GALNT15: variants seen among roughly 807,000 people sequenced by gnomAD.
GALNT15 encodes the protein UDP-GalNAc transferase T15.
In GALNT15, 67 loss-of-function variants were observed where a neutral mutation model predicts 66.8. The ratio of observed to expected loss-of-function variants is 1.00; its 90% CI spans 0.82 to 1.23. The LOEUF (loss-of-function observed/expected upper bound fraction) is 1.23. Ranked by LOEUF, GALNT15 falls within the 50% of genes most tolerant of loss-of-function variation. GALNT15 has a pLI of 0.00. For missense variants in GALNT15, 827 were observed against 804.3 expected (o/e 1.03, Z -0.34); for synonymous variants, 313 against 311.5 (o/e 1.00, Z -0.05).
At position 16,191,093 on chromosome 3, in the gene GALNT15, C is replaced by G. The variant is rs935848889; in HGVS notation, c.540-4667C>G. Among the ~76,000 whole-genome samples, 1 of 152,222 alleles carries G rather than the reference C, an allele frequency of 6.6e-6. No individual in the cohort carries two copies. The highest frequency in any genetic ancestry group is 1.9e-4 in the East Asian group (1 of 5,202). On this transcript the variant is annotated intron_variant, in intron 1 of 9. Transcript: ENST00000339732. The surrounding 1 kb of genome is among the most constrained non-coding windows in gnomAD (Gnocchi z 5.2). ...AGCAGCCTGTTTAGTTTATCCCACT[C>G]ACACTCCCTGCCCATCCATTGGTTC...
At chr3:16,247,421 G>A in the GALNT15 span, among the ~76,000 whole-genome samples, 4 of 152,232 alleles carry the variant, frequency 2.6e-5, no homozygotes, top group Admixed American at 6.5e-5. Context: ...ATCCAGGAAC[G>A]TCAGATCATG....
intron 2 of GALNT15, among the ~76,000 whole-genome samples, chr3:16,198,252 A>G (rs2063660754): frequency 7.0e-6 from 1 of 142,378 alleles, no homozygotes; most frequent in Non-Finnish European, 1.6e-5. Flanking sequence ...CCTCATAATC[A>G]CAACAGGGCT....
In GALNT15 at chr3:16,224,960, A is replaced by G. The variant is rs181134322; in HGVS notation, c.1773+2202A>G. Among the ~76,000 whole-genome samples the G allele has an allele frequency of 1.3e-5, 2 of 152,178 alleles. No individual in the cohort carries two copies. The highest frequency in any genetic ancestry group is 2.9e-5 in the Non-Finnish European group (2 of 68,022). ...CCTATTAGGCCATTCTTGCATTGCT[A>G]TAAAGAAATACTAGAGACTGGGTAA... On this transcript the variant is annotated intron_variant, in intron 9 of 9. Transcript: ENST00000339732. The surrounding 1 kb of genome is among the most constrained non-coding windows in gnomAD (Gnocchi z 5.2).
chr3:16,215,839 G>C (rs547288262), intron 6 of GALNT15, among the ~76,000 whole-genome samples: 1 of 150,122 alleles, frequency 6.7e-6, no homozygotes, highest in Non-Finnish European at 1.5e-5. Flanking sequence ...GAACCCAGAA[G>C]GCGGAGGTTG....
rs191909480 is a variant in GALNT15 at position 16,194,247 on chromosome 3, C to T, written c.540-1513C>T. On this transcript the variant is annotated intron_variant, in intron 1 of 9. Transcript: ENST00000339732. ...GTGCAGTGATATATTAAAGGCCTTG[C>T]ACGGTGTCTGGCATGTTGTTGGCAC... 1.2e-4 allele frequency among the ~76,000 whole-genome samples: 19 copies of T among 152,350 alleles called. No individual in the cohort carries two copies. In the East Asian group the frequency reaches 3.5e-3, roughly 28 times the overall value.
chr3:16,196,846 C>T (rs964322063), intron 2 of GALNT15, among the ~76,000 whole-genome samples: 5 of 152,216 alleles, frequency 3.3e-5, no homozygotes, highest in East Asian at 1.9e-4. Flanking sequence ...AAGATCAGAA[C>T]GCTCTGAGGG....
chr3:16,208,077 G>A (rs552581069), intron 3 of GALNT15, among the ~76,000 whole-genome samples: 1 of 152,208 alleles, frequency 6.6e-6, no homozygotes, highest in African/African-American at 2.4e-5. Context: ...GTACTGGCAT[G>A]CTCTTTAAAG....
chr3:16,202,076 C>A (rs978422092), intron 3 of GALNT15, among the ~76,000 whole-genome samples: 4 of 152,200 alleles, frequency 2.6e-5, no homozygotes, highest in African/African-American at 7.2e-5. Flanking sequence ...AGAAAAAATT[C>A]CTGGACCAGA....
chr3:16,205,531 A>C (rs2063747654), intron 3 of GALNT15, among the ~76,000 whole-genome samples: 1 of 152,220 alleles, frequency 6.6e-6, no homozygotes, highest in Non-Finnish European at 1.5e-5. Context: ...TACCTGCCTG[A>C]GGGTTAAAAC....
Position 16,200,868 on chromosome 3 carries a change from G to A in GALNT15, c.911+45G>A, listed in dbSNP as rs1574980926. 1 of 1,484,314 alleles carries A rather than the reference G, an allele frequency of 6.7e-7. No homozygotes were observed. The allele number at this position is 1,484,314 out of a possible 1,614,324, so 91.9% of individuals were successfully genotyped here. On this transcript the variant is annotated intron_variant, in intron 3 of 9. Transcript: ENST00000339732. This position sits in a 1 kb window ranked among gnomAD's most constrained non-coding sequence, Gnocchi z 4.4. ...TGCAAAGCAAGACATGGAACTGGGAGAAACAGTCTACAGCATCAGCCACTC... is the reference window on the plus strand; with the variant it reads ...TGCAAAGCAAGACATGGAACTGGGAAAAACAGTCTACAGCATCAGCCACTC...
At position 16,227,694 on chromosome 3, in the gene GALNT15, TAAAAAA is replaced by T; in HGVS notation, c.*204_*209del. ...TTATTTCATTGACTGCTGGCTGCTTTAAAAAAAAAAAAAAAGGATCCATTGTACCGT... is the reference window on the plus strand; with the variant it reads ...TTATTTCATTGACTGCTGGCTGCTTTAAAAAAAAAGGATCCATTGTACCGT... On this transcript the variant is annotated 3_prime_UTR_variant, in exon 10 of 10. Coordinates refer to ENST00000339732, the MANE Select transcript of GALNT15 (RefSeq NM_054110.5). This position sits in a 1 kb window ranked among gnomAD's most constrained non-coding sequence, Gnocchi z 4.5. 1.6e-6 allele frequency: 2 copies of T among 1,283,770 alleles called. No homozygotes were observed. Among genetic ancestry groups the T allele is most frequent in the Non-Finnish European group, 2.0e-6 (2 of 1,000,862 alleles). The allele number at this position is 1,283,770 out of a possible 1,614,324, so 79.5% of individuals were successfully genotyped here.
chr3:16,194,224 G>A (rs1340558358), intron 1 of GALNT15, among the ~76,000 whole-genome samples: 3 of 152,180 alleles, frequency 2.0e-5, no homozygotes, highest in Admixed American at 6.5e-5. Context: ...AGATGAATGT[G>A]CAGTGATATA....
At chr3:16,216,704 G>A (rs2063882683) in intron 6 of GALNT15, among the ~76,000 whole-genome samples, 2 of 152,210 alleles carry the variant, frequency 1.3e-5, no homozygotes, top group South Asian at 2.1e-4. Flanking sequence ...GCAGTGGCCT[G>A]TTAGCCCTTG....
intron 4 of GALNT15, among the ~76,000 whole-genome samples, chr3:16,210,269 T>C (rs1259304244): frequency 1.3e-5 from 2 of 152,202 alleles, no homozygotes; most frequent in East Asian, 1.9e-4. Context: ...ATCTTACAAA[T>C]TGGGAGTGGC....
In GALNT15 at chr3:16,175,087, A is replaced by T; in HGVS notation, c.-65A>T. ...AACCCAGGTTCTGCTGCAAGCTTGA[A>T]GGAGCCTGGAGCGGGAGAAAGCTAA... On this transcript the variant is annotated 5_prime_UTR_variant, in exon 1 of 10. The change creates a new upstream start codon in the 5' untranslated region. Transcript: ENST00000339732. This position sits in a 1 kb window ranked among gnomAD's most constrained non-coding sequence, Gnocchi z 5.6. 1 of 1,492,488 alleles carries T rather than the reference A, an allele frequency of 6.7e-7. No individual in the cohort carries two copies. Among genetic ancestry groups the T allele is most frequent in the Non-Finnish European group, 9.1e-7 (1 of 1,095,224 alleles). 92.5% of individuals were successfully genotyped at this position (1,492,488 alleles called of 1,614,324 possible).
intron 8 of GALNT15, among the ~76,000 whole-genome samples, chr3:16,221,438 A>G (rs1239063696): frequency 6.6e-6 from 1 of 152,160 alleles, no homozygotes; most frequent in Non-Finnish European, 1.5e-5. Context: ...GGGGTCAAAA[A>G]ACAAGAGGCA....
chr3:16,198,249 A>G (rs532339869), intron 2 of GALNT15, among the ~76,000 whole-genome samples: 4 of 142,500 alleles, frequency 2.8e-5, no homozygotes, highest in Non-Finnish European at 6.2e-5. Flanking sequence ...TGGCCTCATA[A>G]TCACAACAGG....
Position 16,229,834 on chromosome 3 carries a change from C to A in GALNT15, c.*2334C>A. The A allele has an allele frequency of 2.9e-6, 2 of 684,698 alleles. No homozygotes were observed. The highest frequency in any genetic ancestry group is 3.6e-6 in the Non-Finnish European group (2 of 555,340). 42.4% of individuals were successfully genotyped at this position (684,698 alleles called of 1,614,324 possible). A position where few individuals can be genotyped will look rare whatever the true frequency, so the allele number is the denominator to read the frequency against. On this transcript the variant is annotated 3_prime_UTR_variant, in exon 10 of 10. Coordinates refer to ENST00000339732, the MANE Select transcript of GALNT15 (RefSeq NM_054110.5). The stretch of plus-strand genomic sequence containing the variant: ...CAAAGCAAGAATATGGTGTTTCTTG[C>A]TTCCTTAACCAGCTCCATGATTTAT...
At chr3:16,179,385 A>C (rs184358788) in intron 1 of GALNT15, among the ~76,000 whole-genome samples, 44 of 152,290 alleles carry the variant, frequency 2.9e-4, no homozygotes, top group African/African-American at 1.0e-3. Flanking sequence ...CAGACCAGAG[A>C]TTGGGCAAGT....
Sources: allele counts gnomAD v4.1 joint callset (sites outside exome capture counted in the v4.1 genomes callset), GRCh38; gene constraint gnomAD v4.1.1; non-coding constraint Gnocchi (gnomAD v3.1); transcripts MANE v1.5; gene names NCBI Gene and HGNC (gene_info 2026-07-23, HGNC 2026-07-21).